The following LAMC1 variants were observed in gnomAD, a reference collection of about 807,000 sequenced individuals.
The protein encoded by LAMC1 is laminin subunit gamma 1, also known as laminin subunit gamma-1.
A neutral mutation model predicts 173.6 loss-of-function variants in LAMC1; 38 were observed. The observed-to-expected ratio is 0.22, with a 90% CI of 0.17 to 0.29. LAMC1 has a LOEUF of 0.29. Ranked by LOEUF, LAMC1 falls within the 10% of genes least tolerant of loss-of-function variation. LAMC1 has a pLI of 1.00. For synonymous variants in LAMC1, 746 were observed against 749.1 expected, an observed-to-expected ratio of 1.00 and a Z score of 0.07; for missense variants, 1,824 against 2,051.8, an observed-to-expected ratio of 0.89 and a Z score of 2.14.
chr1:183,035,808 A>G (rs1438792130), intron 1 of LAMC1, among the ~76,000 whole-genome samples: 1 of 152,142 alleles, frequency 6.6e-6, no homozygotes, highest in Non-Finnish European at 1.5e-5. Flanking sequence ...CAGATACCCT[A>G]TTCTTTATTC....
intron 24 of LAMC1, 86 bp from the exon 25 acceptor site, chr1:183,136,300 A>C (rs1656938584): frequency 8.2e-7 from 1 of 1,213,912 alleles, no homozygotes; most frequent in South Asian, 1.3e-5. Flanking sequence ...ATTGTTCATA[A>C]AACAAAATCC....
chr1:183,133,300 C>T (rs1345922211), intron 21 of LAMC1, 106 bp from the exon 22 acceptor site: 6 of 894,584 alleles, frequency 6.7e-6, no homozygotes, highest in East Asian at 2.6e-5. Flanking sequence ...TGTAGCATTT[C>T]CTTTGAGGTT....
intron 1 of LAMC1, among the ~76,000 whole-genome samples, chr1:183,071,983 C>T (rs1025353362): frequency 6.6e-6 from 1 of 152,172 alleles, no homozygotes; most frequent in African/African-American, 2.4e-5. Flanking sequence ...AATACAAGTA[C>T]CATGAGCAGT....
chr1:183,114,676 T>G lies in LAMC1; in HGVS notation c.1167T>G (p.Leu389=). The G allele has an allele frequency of 6.2e-7, 1 of 1,614,182 alleles. No individual in the cohort carries two copies. Among genetic ancestry groups the G allele is most frequent in the Non-Finnish European group, 8.5e-7 (1 of 1,180,026 alleles). The change falls in exon 5 of 28, where the codon CTT becomes CTG. Residue 389 remains leucine, a synonymous_variant. Transcript: ENST00000258341. ...GGTGCCGAGAGAACTTCTTCCGCCT[T>G]GGCAACAATGAAGCCTGCTCTTCAT... ...CERCRENFFR[L]GNNEACSSCH... is the part of the protein sequence containing the mutation.
At chr1:183,123,650 C>T (rs1240973673) in intron 13 of LAMC1, among the ~76,000 whole-genome samples, 3 of 152,186 alleles carry the variant, frequency 2.0e-5, no homozygotes, top group African/African-American at 7.2e-5. Flanking sequence ...ACCTTCACCC[C>T]ATCATGCTGC....
chr1:183,098,509 G>A (rs766478193), intron 1 of LAMC1, among the ~76,000 whole-genome samples: 20 of 152,158 alleles, frequency 1.3e-4, no homozygotes, highest in Non-Finnish European at 2.6e-4. Context: ...AGAGATGTTT[G>A]TACAAAGGCA....
At position 183,144,355 on chromosome 1, in the gene LAMC1, A is replaced by G. The variant is rs1216019404; in HGVS notation, c.*1565A>G. 1.3e-5 allele frequency: 2 copies of G among 152,554 alleles called. No homozygotes were observed. Among genetic ancestry groups the G allele is most frequent in the Non-Finnish European group, 2.9e-5 (2 of 68,036 alleles). 9.5% of individuals were successfully genotyped at this position (152,554 alleles called of 1,614,324 possible). The stretch of plus-strand genomic sequence containing the variant: ...AATTTATGTAAATATACTTAGTCCT[A>G]TTTCTAGAATGACACTCTGTTCACT... On this transcript the variant is annotated 3_prime_UTR_variant, in exon 28 of 28. Transcript: ENST00000258341.
At chr1:183,072,721 T>C (rs1655039526) in intron 1 of LAMC1, among the ~76,000 whole-genome samples, 1 of 152,244 alleles carries the variant, frequency 6.6e-6, no homozygotes. Flanking sequence ...TTTGTATTTA[T>C]AGCCACTCCC....
chr1:183,074,437 A>T (rs952795321), intron 1 of LAMC1, among the ~76,000 whole-genome samples: 8 of 152,234 alleles, frequency 5.3e-5, no homozygotes, highest in Non-Finnish European at 1.0e-4. Flanking sequence ...AAAGCAATAA[A>T]GCCACTTAGT....
chr1:183,134,949 C>G, intron 23 of LAMC1, 93 bp from the exon 24 acceptor site: 1 of 1,339,252 alleles, frequency 7.5e-7, no homozygotes, highest in Non-Finnish European at 1.1e-6. Context: ...GCTGGCAAGT[C>G]TCAGGGTGGC....
Position 183,138,078 on chromosome 1 carries a change from G to A in LAMC1, c.4473+251G>A, listed in dbSNP as rs545531265. The A allele has an allele frequency of 3.7e-5, 12 of 326,282 alleles. No individual in the cohort carries two copies. The East Asian group carries it at 1.7e-3, about 46-fold the overall frequency. 20.2% of individuals were successfully genotyped at this position (326,282 alleles called of 1,614,324 possible). On this transcript the variant is annotated intron_variant, in intron 26 of 27. Coordinates refer to ENST00000258341, the MANE Select transcript of LAMC1 (RefSeq NM_002293.4). ...GTAAAACATTGCTTTACACGTTTGA[G>A]GTTTTAGGACATTAAAAGTATGTGT...
intron 4 of LAMC1, 41 bp from the exon 5 acceptor site, chr1:183,114,490 G>C (rs764239823): frequency 6.2e-7 from 1 of 1,601,410 alleles, no homozygotes; most frequent in South Asian, 1.1e-5. Flanking sequence ...TCTTCTTAAA[G>C]GTACCCAGAT....
At chr1:183,132,972 G>A (rs972127369) in intron 21 of LAMC1, among the ~76,000 whole-genome samples, 2 of 152,052 alleles carry the variant, frequency 1.3e-5, no homozygotes, top group Non-Finnish European at 2.9e-5. Flanking sequence ...GTGCAATGGC[G>A]CGATCTCGGC....
At chr1:183,136,818 T>C (rs1656957920) in intron 25 of LAMC1, among the ~76,000 whole-genome samples, 1 of 152,146 alleles carries the variant, frequency 6.6e-6, no homozygotes, top group Non-Finnish European at 1.5e-5. Flanking sequence ...CTACTATGTC[T>C]CAGTGTGAGG....
rs751518199 is a variant in LAMC1 at position 183,130,395 on chromosome 1, C to G, written c.3332C>G (p.Ser1111Cys). The G allele has an allele frequency of 1.2e-6, 2 of 1,614,048 alleles. No individual in the cohort carries two copies. Among genetic ancestry groups the G allele is most frequent in the African/African-American group, 2.7e-5 (2 of 74,910 alleles). The part of the protein sequence containing the change: ...DRLQRVNNTL[S>C]SQISRLQNIR... ...CTACAGAGAGTGAATAACACTCTGT[C>G]CAGCCAAATTAGCCGTTTACAGAAT... The change falls in exon 19 of 28, where the codon TCC (serine) becomes TGC (cysteine). Residue 1111 changes from serine (S) to cysteine (C), a missense_variant. Ser to Cys is a moderately radical substitution (Grantham distance 112). Transcript: ENST00000258341.
intron 1 of LAMC1, among the ~76,000 whole-genome samples, chr1:183,040,212 C>A (rs993718652): frequency 6.6e-6 from 1 of 152,204 alleles, no homozygotes; most frequent in Non-Finnish European, 1.5e-5. Context: ...TTGTGCCTCC[C>A]GCTAACACAC....
chr1:183,064,830 T>C (rs1264264577), intron 1 of LAMC1, among the ~76,000 whole-genome samples: 2 of 152,202 alleles, frequency 1.3e-5, no homozygotes, highest in Non-Finnish European at 2.9e-5. Flanking sequence ...TTCTGACTTA[T>C]TCTAGTTTAG....
rs2296289 is a variant in LAMC1, at chr1:183,103,566, C to T, written c.657C>T (p.Asn219=). 0.13 allele frequency: 203,579 copies of T among 1,611,572 alleles called. 14,385 individuals carry two copies. Among genetic ancestry groups the T allele is most frequent in the Admixed American group, 0.25 (15,250 of 59,838 alleles). Reference sequence around the variant, plus strand: ...ACATTTCTCCCCTCACTGGGGGCAACGTGGCCTTTTCTACCCTGGAAGGAA... The same window carrying T: ...ACATTTCTCCCCTCACTGGGGGCAATGTGGCCTTTTCTACCCTGGAAGGAA... The part of the protein sequence containing the change: ...FSDISPLTGG[N]VAFSTLEGRP... Residue 219 remains asparagine (N), a synonymous_variant, in exon 2 of 28, where the codon AAC becomes AAT. Coordinates refer to ENST00000258341, the MANE Select transcript of LAMC1 (RefSeq NM_002293.4).
intron 1 of LAMC1, among the ~76,000 whole-genome samples, chr1:183,038,005 CT>C (rs1558028991): frequency 6.6e-6 from 1 of 150,510 alleles, no homozygotes; most frequent in East Asian, 1.9e-4. Flanking sequence ...TTTCTGCTTT[CT>C]TTACAGACCT....
Sources: gnomAD v4.1 joint callset for allele counts (sites outside exome capture counted in the v4.1 genomes callset) on GRCh38, gnomAD v4.1.1 for gene constraint, MANE v1.5 for transcripts, NCBI Gene and HGNC (gene_info 2026-07-23, HGNC 2026-07-21) for gene names.